VEZT: variants seen among roughly 807,000 people sequenced by gnomAD.
The protein encoded by VEZT is vezatin.
VEZT carries 39 observed loss-of-function variants against 79.9 expected under a neutral mutation model. That is an observed-to-expected ratio of 0.49 (90% confidence interval 0.38 to 0.64). The LOEUF (loss-of-function observed/expected upper bound fraction) is 0.64. Among genes scored for constraint, VEZT ranks in the 30% least tolerant of loss-of-function variants. VEZT has a pLI of 0.00. For missense variants in VEZT, 837 were observed against 893.1 expected (o/e 0.94, Z 0.80); for synonymous variants, 325 against 327.6 (o/e 0.99, Z 0.09).
At chr12:95,262,068 T>C (rs1274038132) in intron 3 of VEZT, among the ~76,000 whole-genome samples, 1 of 152,244 alleles carries the variant, frequency 6.6e-6, no homozygotes, top group Non-Finnish European at 1.5e-5. Context: ...TCCAACTCCT[T>C]TGTCTGGTCA....
chr12:95,300,379 C>T lies in VEZT; in HGVS notation c.2046C>T (p.Phe682=). The T allele has an allele frequency of 6.2e-7, 1 of 1,613,814 alleles. No homozygotes were observed. Among genetic ancestry groups the T allele is most frequent in the South Asian group, 1.1e-5 (1 of 91,044 alleles). Residue 682 remains phenylalanine, a synonymous_variant, in exon 12 of 12, where the codon TTC becomes TTT. Coordinates refer to ENST00000436874, the MANE Select transcript of VEZT (RefSeq NM_017599.4). The stretch of plus-strand genomic sequence containing the variant: ...AAGATAATTCTTCAAATGAAGTCTT[C>T]CCCCAAGGAGCAGAAGAAAGAATGT... ...KNKDNSSNEV[F]PQGAEERMCY...
intron 2 of VEZT, among the ~76,000 whole-genome samples, chr12:95,256,872 G>A (rs2063561260): frequency 6.6e-6 from 1 of 152,126 alleles, no homozygotes; most frequent in Non-Finnish European, 1.5e-5. Flanking sequence ...TTAAAAATCG[G>A]ATTTTCAGGC....
intron 7 of VEZT, among the ~76,000 whole-genome samples, chr12:95,277,871 A>G (rs1263075825): frequency 3.3e-5 from 5 of 152,246 alleles, no homozygotes; most frequent in Non-Finnish European, 7.3e-5. Flanking sequence ...GAATTATAGT[A>G]TTTCATTTCC....
At chr12:95,296,496 G>A (rs2074165811) in intron 11 of VEZT, 2 of 319,036 alleles carry the variant, frequency 6.3e-6, no homozygotes, top group Non-Finnish European at 1.1e-5. Context: ...TAGTAAATTT[G>A]TTTTAGAATG....
rs1280055060 is a variant in VEZT, at chr12:95,287,920, T to C, written c.1522+63T>C. The C allele has an allele frequency of 3.6e-6, 5 of 1,381,278 alleles. No individual in the cohort carries two copies. In the East Asian group the frequency reaches 1.0e-4, roughly 29 times the overall value. The allele number at this position is 1,381,278 out of a possible 1,614,324, so 85.6% of individuals were successfully genotyped here. The stretch of plus-strand genomic sequence containing the variant: ...ACATGCTTATTCCACTCTGGTAGGA[T>C]TTTATTAGGTAGACTTCTTGTCTTT... On this transcript the variant is annotated intron_variant, in intron 9 of 11. Coordinates refer to ENST00000436874, the MANE Select transcript of VEZT (RefSeq NM_017599.4).
chr12:95,233,662 A>G (rs989198206), intron 1 of VEZT, among the ~76,000 whole-genome samples: 40 of 152,220 alleles, frequency 2.6e-4, no homozygotes, highest in Non-Finnish European at 3.7e-4. Flanking sequence ...TCGGCCTCCC[A>G]AAGTGCTGAG....
chr12:95,226,109 A>G (rs1011944812), intron 1 of VEZT, among the ~76,000 whole-genome samples: 1 of 152,044 alleles, frequency 6.6e-6, no homozygotes, highest in South Asian at 2.1e-4. Flanking sequence ...AAAAAAAAAA[A>G]AAAAAAAGAA....
intron 3 of VEZT, 105 bp downstream of exon 3, chr12:95,257,344 T>C: frequency 3.5e-6 from 3 of 850,570 alleles, no homozygotes; most frequent in Non-Finnish European, 5.5e-6. Flanking sequence ...GCAATTGATT[T>C]TTACTAGAGA....
At chr12:95,287,909 C>T (rs1466015423) in intron 9 of VEZT, 52 bp downstream of exon 9, 1 of 1,450,336 alleles carries the variant, frequency 6.9e-7, no homozygotes, top group Non-Finnish European at 9.2e-7. Flanking sequence ...GCTTATTCCA[C>T]TCTGGTAGGA....
At chr12:95,241,125 G>A (rs908992717) in intron 1 of VEZT, among the ~76,000 whole-genome samples, 7 of 152,036 alleles carry the variant, frequency 4.6e-5, no homozygotes, top group African/African-American at 7.2e-5. Flanking sequence ...TCCGCCTCCC[G>A]GGTTCAAGTG....
intron 1 of VEZT, among the ~76,000 whole-genome samples, chr12:95,244,899 T>A (rs1385949226): frequency 6.6e-6 from 1 of 152,148 alleles, no homozygotes; most frequent in Non-Finnish European, 1.5e-5. Context: ...TTTTGTAGCA[T>A]AAGATGACAT....
At chr12:95,231,060 T>TA (rs952492044) in intron 1 of VEZT, among the ~76,000 whole-genome samples, 1 of 152,216 alleles carries the variant, frequency 6.6e-6, no homozygotes, top group African/African-American at 2.4e-5. Flanking sequence ...TACTGTTGTA[T>TA]AAAAAATCTT....
chr12:95,300,736 A>T lies in VEZT; in HGVS notation c.*63A>T. 1 of 1,471,480 alleles carries T rather than the reference A, an allele frequency of 6.8e-7. No homozygotes were observed. The highest frequency in any genetic ancestry group is 2.4e-5 in the East Asian group (1 of 42,352). The allele number at this position is 1,471,480 out of a possible 1,614,324, so 91.2% of individuals were successfully genotyped here. On this transcript the variant is annotated 3_prime_UTR_variant, in exon 12 of 12. Transcript: ENST00000436874. ...TTTTACAAAAGTGTTTAGCTTCAAG[A>T]CTGGAAAGGGAATATGAGTGTAAGT...
intron 1 of VEZT, among the ~76,000 whole-genome samples, chr12:95,219,587 CT>C (rs1242087268): frequency 2.0e-5 from 3 of 152,002 alleles, no homozygotes; most frequent in Non-Finnish European, 4.4e-5. Flanking sequence ...ATAATATAAC[CT>C]TTTTTTAAAA....
At chr12:95,231,692 A>C (rs79697329) in intron 1 of VEZT, 9 of 152,290 alleles carry the variant, frequency 5.9e-5, no homozygotes, top group Non-Finnish European at 1.0e-4. Context: ...TTATGTTGAA[A>C]TGTGTAAGCT....
intron 2 of VEZT, among the ~76,000 whole-genome samples, chr12:95,256,204 A>G (rs974558124): frequency 1.2e-4 from 18 of 152,044 alleles, no homozygotes; most frequent in African/African-American, 4.3e-4. Flanking sequence ...GGCATGCACC[A>G]CTATGCCTGG....
At chr12:95,223,060 G>A (rs1592973624) in intron 1 of VEZT, among the ~76,000 whole-genome samples, 1 of 152,274 alleles carries the variant, frequency 6.6e-6, no homozygotes, top group South Asian at 2.1e-4. Flanking sequence ...TCTGGAGCTG[G>A]ATAACCTAAG....
At position 95,257,192 on chromosome 12, in the gene VEZT, A is replaced by AT. The variant is rs748321397; in HGVS notation, c.220dup (p.Ser74PhefsTer5). The AT allele has an allele frequency of 5.7e-5, 92 of 1,603,920 alleles. No homozygotes were observed. The highest frequency in any genetic ancestry group is 2.0e-4 in the South Asian group (18 of 89,824). ...AGTGGCTGAAACCATCAAAAGTTGG[A>AT]TTTTTTTTTCTCAGTGCAATAAGAA... On this transcript the variant is annotated frameshift_variant, in exon 3 of 12. Coordinates refer to ENST00000436874, the MANE Select transcript of VEZT (RefSeq NM_017599.4). LOFTEE classifies it high-confidence loss of function.
intron 2 of VEZT, among the ~76,000 whole-genome samples, chr12:95,254,552 G>T (rs898252480): frequency 2.6e-5 from 4 of 151,866 alleles, no homozygotes; most frequent in African/African-American, 9.7e-5. Flanking sequence ...TTACCTTGTT[G>T]GCCAGGCTGG....
Sources: gnomAD v4.1 joint callset for allele counts (sites outside exome capture counted in the v4.1 genomes callset) on GRCh38, gnomAD v4.1.1 for gene constraint, MANE v1.5 for transcripts, NCBI Gene and HGNC (gene_info 2026-07-23, HGNC 2026-07-21) for gene names.